The following EHMT1 variants were observed in gnomAD, a reference collection of about 807,000 sequenced individuals.
The protein encoded by EHMT1 is histone-lysine N-methyltransferase EHMT1.
A neutral mutation model predicts 147.2 loss-of-function variants in EHMT1; 15 were observed. The ratio of observed to expected loss-of-function variants is 0.10; its 90% CI spans 0.07 to 0.16. The LOEUF (loss-of-function observed/expected upper bound fraction) is 0.16, where lower values mean the gene tolerates loss of function less well. EHMT1 is among the 10% of genes least tolerant of loss of function. EHMT1 has a pLI of 1.00. For missense variants in EHMT1, 1,587 were observed against 1,772.4 expected (o/e 0.90, Z 1.88); for synonymous variants, 795 against 709.6 (o/e 1.12, Z -1.91).
At chr9:137,765,535 G>A (rs1000394248) in intron 10 of EHMT1, among the ~76,000 whole-genome samples, 1 of 152,072 alleles carries the variant, frequency 6.6e-6, no homozygotes, top group Non-Finnish European at 1.5e-5. Flanking sequence ...TAAATGAAAC[G>A]TAGATCCCGA....
chr9:137,645,232 G>C (rs989197966), intron 1 of EHMT1, among the ~76,000 whole-genome samples: 1 of 152,246 alleles, frequency 6.6e-6, no homozygotes, highest in Non-Finnish European at 1.5e-5. Context: ...TCAGGGCCTT[G>C]ATAGATTGTT....
intron 1 of EHMT1, among the ~76,000 whole-genome samples, chr9:137,656,260 A>G (rs1938434672): frequency 6.6e-6 from 1 of 152,126 alleles, no homozygotes; most frequent in African/African-American, 2.4e-5. Flanking sequence ...TGCGCGTGTA[A>G]TCCCAGCTAC....
chr9:137,632,528 C>T (rs536901758), intron 1 of EHMT1, among the ~76,000 whole-genome samples: 3 of 152,252 alleles, frequency 2.0e-5, no homozygotes, highest in East Asian at 3.9e-4. Context: ...CTCAGCCTCC[C>T]GAGTAGCTGG....
intron 3 of EHMT1, among the ~76,000 whole-genome samples, chr9:137,726,139 A>G (rs942232524): frequency 6.6e-6 from 1 of 152,034 alleles, no homozygotes; most frequent in Non-Finnish European, 1.5e-5. Flanking sequence ...CATAATATCA[A>G]ACTTAACCAT....
rs182519976 is a variant in EHMT1, at chr9:137,726,575, T to C, written c.643-1774T>C. The stretch of plus-strand genomic sequence containing the variant: ...TTGGCTGCTGTGGTTGATGCTGCTA[T>C]CAACGTGGGTGTACAAGCATCTCTT... On this transcript the variant is annotated intron_variant, in intron 3 of 26. Transcript: ENST00000460843. Among the ~76,000 whole-genome samples, 496 of 152,218 alleles carry C rather than the reference T, an allele frequency of 3.3e-3. 4 individuals are homozygous for C. Among genetic ancestry groups the C allele is most frequent in the African/African-American group, 0.01 (425 of 41,488 alleles).
Position 137,834,975 on chromosome 9 carries a change from G to T in EHMT1, c.*22G>T. On this transcript the variant is annotated 3_prime_UTR_variant, in exon 27 of 27. Coordinates refer to ENST00000460843, the MANE Select transcript of EHMT1 (RefSeq NM_024757.5). Reference sequence around the variant, plus strand: ...ATGAGACGCCGCCGGCCAGCGGGGCGCTCGGGAGCCAGGGACCGCCGCGTC... The same window carrying T: ...ATGAGACGCCGCCGGCCAGCGGGGCTCTCGGGAGCCAGGGACCGCCGCGTC... The T allele has an allele frequency of 7.2e-7, 1 of 1,388,790 alleles. No homozygotes were observed. The highest frequency in any genetic ancestry group is 9.3e-7 in the Non-Finnish European group (1 of 1,079,746). 86.0% of individuals were successfully genotyped at this position (1,388,790 alleles called of 1,614,324 possible).
intron 1 of EHMT1, among the ~76,000 whole-genome samples, chr9:137,657,741 G>C (rs1298403093): frequency 1.3e-5 from 2 of 151,888 alleles, no homozygotes; most frequent in Non-Finnish European, 2.9e-5. Context: ...ACTTTGCTGT[G>C]CTATCAAGTA....
At chr9:137,686,430 C>T (rs1328146365) in intron 1 of EHMT1, among the ~76,000 whole-genome samples, 3 of 152,040 alleles carry the variant, frequency 2.0e-5, no homozygotes, top group African/African-American at 7.3e-5. Context: ...CGCTCAGTCA[C>T]CTAGGCTGGA....
At chr9:137,736,914 G>C (rs1411796728) in intron 4 of EHMT1, among the ~76,000 whole-genome samples, 1 of 151,618 alleles carries the variant, frequency 6.6e-6, no homozygotes, top group East Asian at 1.9e-4. Context: ...AATATATACA[G>C]AGATTTGGCT....
At chr9:137,675,660 G>A (rs1292028176) in intron 1 of EHMT1, among the ~76,000 whole-genome samples, 1 of 126,152 alleles carries the variant, frequency 7.9e-6, no homozygotes, top group African/African-American at 3.0e-5. Context: ...TTGAGACAGA[G>A]TCTCGCTCTG....
At chr9:137,654,329 A>T (rs1227163575) in intron 1 of EHMT1, among the ~76,000 whole-genome samples, 1 of 150,490 alleles carries the variant, frequency 6.6e-6, no homozygotes, top group African/African-American at 2.4e-5. Context: ...ACACCACTGC[A>T]CTCCAGCCTG....
intron 1 of EHMT1, among the ~76,000 whole-genome samples, chr9:137,687,783 A>C (rs1942587406): frequency 1.3e-5 from 2 of 152,198 alleles, no homozygotes; most frequent in African/African-American, 2.4e-5. Context: ...CCAGAACTTA[A>C]ACAAATAAAT....
At chr9:137,777,760 C>G in intron 12 of EHMT1, 122 bp from the exon 13 acceptor site, 1 of 1,409,066 alleles carries the variant, frequency 7.1e-7, no homozygotes, top group Non-Finnish European at 9.9e-7. Context: ...AATCCAGGGA[C>G]TAAGCGGACA....
chr9:137,826,328 C>G (rs962398556), intron 25 of EHMT1, among the ~76,000 whole-genome samples: 3 of 152,142 alleles, frequency 2.0e-5, no homozygotes, highest in Admixed American at 2.0e-4. Context: ...GTTTGAGTGC[C>G]AGACATTGTA....
At chr9:137,802,222 C>T (rs998703136) in intron 18 of EHMT1, among the ~76,000 whole-genome samples, 11 of 152,204 alleles carry the variant, frequency 7.2e-5, no homozygotes, top group African/African-American at 2.7e-4. Flanking sequence ...AGGGGGTACT[C>T]TGGTCACCTC....
intron 1 of EHMT1, among the ~76,000 whole-genome samples, chr9:137,698,627 C>A (rs1225506360): frequency 2.0e-5 from 3 of 152,186 alleles, no homozygotes; most frequent in Non-Finnish European, 4.4e-5. Flanking sequence ...ACCTTAGGTG[C>A]ACCCTCAGTC....
chr9:137,785,771 C>T (rs1438194556), intron 15 of EHMT1: 1 of 152,254 alleles, frequency 6.6e-6, no homozygotes, highest in Non-Finnish European at 1.5e-5. Context: ...CTGGCCCTGA[C>T]ATTCGCACCC....
intron 7 of EHMT1, among the ~76,000 whole-genome samples, chr9:137,753,129 C>T (rs1949105056): frequency 6.6e-6 from 1 of 152,092 alleles, no homozygotes. Flanking sequence ...TTGGCTCCTG[C>T]TTCTGAGGAG....
At chr9:137,728,586 C>T in intron 4 of EHMT1, 57 bp downstream of exon 4, 1 of 1,610,714 alleles carries the variant, frequency 6.2e-7, no homozygotes, top group Non-Finnish European at 8.5e-7. Context: ...GAGCCTGCCC[C>T]TTGCCAGGTG....
Sources: allele counts gnomAD v4.1 joint callset (sites outside exome capture counted in the v4.1 genomes callset), GRCh38; gene constraint gnomAD v4.1.1; transcripts MANE v1.5; gene names NCBI Gene and HGNC (gene_info 2026-07-23, HGNC 2026-07-21).